SRI: variants seen among roughly 807,000 people sequenced by gnomAD.
The protein encoded by SRI is 22 kDa protein.
Under a neutral mutation model 33.3 loss-of-function variants are expected in SRI, and 30 were observed. That is an observed-to-expected ratio of 0.90 (90% confidence interval 0.67 to 1.22). The LOEUF (loss-of-function observed/expected upper bound fraction) is 1.22, where lower values mean the gene tolerates loss of function less well. Ranked by LOEUF, SRI falls within the 50% of genes most tolerant of loss-of-function variation. The pLI, the probability that SRI is intolerant of heterozygous loss-of-function variation, is 0.00. For synonymous variants in SRI, 75 were observed against 89.9 expected (o/e 0.83, Z 0.94); for missense variants, 243 against 250.8 (o/e 0.97, Z 0.21).
rs1299209609 is a variant in SRI at position 88,208,128 on chromosome 7, A to G, written c.570+379T>C. Reference sequence around the variant, plus strand: ...TTTACAGAAGACAAAAGCAGATAGTATATCTGCATAGTGTTTTTCAAGGGC... The same window carrying G: ...TTTACAGAAGACAAAAGCAGATAGTGTATCTGCATAGTGTTTTTCAAGGGC... On this transcript the variant is annotated intron_variant, in intron 7 of 7. Coordinates refer to ENST00000265729, the MANE Select transcript of SRI (RefSeq NM_003130.4). 4.6e-5 allele frequency: 8 copies of G among 175,298 alleles called. No individual in the cohort carries two copies. In the East Asian group the frequency reaches 7.5e-4, roughly 16 times the overall value. The allele number at this position is 175,298 out of a possible 1,614,324, so 10.9% of individuals were successfully genotyped here. A position where few individuals can be genotyped will look rare whatever the true frequency, so the allele number is the denominator to read the frequency against.
chr7:88,219,862 G>A, intron 1 of SRI, 114 bp downstream of exon 1: 2 of 1,318,130 alleles, frequency 1.5e-6, no homozygotes, highest in Non-Finnish European at 2.1e-6. Flanking sequence ...GAGGGCGGAA[G>A]GAGCCCGGGT....
chr7:88,212,186 G>A (rs570035302), intron 3 of SRI, among the ~76,000 whole-genome samples: 29 of 152,160 alleles, frequency 1.9e-4, no homozygotes, highest in Non-Finnish European at 2.8e-4. Flanking sequence ...TCTCCCAACA[G>A]TGCAAACTAT....
At chr7:88,226,953 T>A (rs1563481157) in exon 1 of SRI, 1 of 1,613,418 alleles carries the variant, frequency 6.2e-7, no homozygotes, top group Non-Finnish European at 8.5e-7. Context: ...TGGTGATCCT[T>A]AGAGGATTGC....
intron 4 of SRI, 59 bp downstream of exon 4, chr7:88,210,823 T>C: frequency 6.8e-7 from 1 of 1,475,348 alleles, no homozygotes; most frequent in Non-Finnish European, 9.4e-7. Context: ...AATTCTAAGA[T>C]GAATTCCTTT....
chr7:88,210,748 A>G (rs915447718), intron 4 of SRI, 134 bp downstream of exon 4: 7 of 818,808 alleles, frequency 8.5e-6, no homozygotes, highest in Non-Finnish European at 1.4e-5. Flanking sequence ...CCACCCTATA[A>G]TAGAAGCTAA....
intron 2 of SRI, among the ~76,000 whole-genome samples, chr7:88,217,545 G>GA (rs1464822754): frequency 1.3e-5 from 2 of 152,230 alleles, no homozygotes; most frequent in East Asian, 3.9e-4. Flanking sequence ...GGTTCAAACA[G>GA]AAAAAGGCCT....
At chr7:88,223,504 T>G (rs1174726714), upstream of SRI, among the ~76,000 whole-genome samples, 2 of 152,164 alleles carry the variant, frequency 1.3e-5, no homozygotes, top group African/African-American at 4.8e-5. Context: ...CATAGTGGTA[T>G]GTAGACTATG....
intron 3 of SRI, among the ~76,000 whole-genome samples, chr7:88,212,387 A>G (rs1851600528): frequency 6.6e-6 from 1 of 152,164 alleles, no homozygotes; most frequent in Admixed American, 6.5e-5. Context: ...CTGACTTTTA[A>G]GTTGTGTGGA....
At chr7:88,220,062 C>CGCCAG, upstream of SRI, 1 of 1,501,956 alleles carries the variant, frequency 6.7e-7, no homozygotes, top group Non-Finnish European at 8.8e-7. Context: ...TCGCCCTGTG[C>CGCCAG]GCCAGGCCTC....
chr7:88,210,272 T>C, intron 4 of SRI, 142 bp from the exon 5 acceptor site: 1 of 1,046,896 alleles, frequency 9.6e-7, no homozygotes, highest in South Asian at 1.3e-5. Flanking sequence ...AAATTAATGA[T>C]TTAAAAATAG....
At chr7:88,213,943 T>C (rs1287900161) in intron 3 of SRI, among the ~76,000 whole-genome samples, 4 of 152,220 alleles carry the variant, frequency 2.6e-5, no homozygotes, top group Admixed American at 1.3e-4. Context: ...TAAGTACTTA[T>C]TATGTTCAGG....
chr7:88,219,863 G>A (rs1286601272), intron 1 of SRI, 113 bp downstream of exon 1: 5 of 1,329,138 alleles, frequency 3.8e-6, no homozygotes, highest in Non-Finnish European at 5.1e-6. Flanking sequence ...AGGGCGGAAG[G>A]AGCCCGGGTA....
chr7:88,214,514 C>T (rs1034669717), intron 3 of SRI, among the ~76,000 whole-genome samples: 1 of 152,122 alleles, frequency 6.6e-6, no homozygotes, highest in Non-Finnish European at 1.5e-5. Context: ...CCATTCTAGA[C>T]AGTTCCAATG....
upstream of SRI, among the ~76,000 whole-genome samples, chr7:88,221,237 C>CCCT (rs1851882131): frequency 6.6e-6 from 1 of 152,186 alleles, no homozygotes; most frequent in Non-Finnish European, 1.5e-5. Context: ...GGCTATTGTC[C>CCCT]TCATTCGGTT....
chr7:88,224,081 C>G (rs922394736), upstream of SRI, among the ~76,000 whole-genome samples: 1 of 152,196 alleles, frequency 6.6e-6, no homozygotes, highest in Admixed American at 6.5e-5. Flanking sequence ...AAGACCAAGG[C>G]TGAGAGATGG....
chr7:88,212,763 C>G (rs1563473548), intron 3 of SRI, among the ~76,000 whole-genome samples: 1 of 152,196 alleles, frequency 6.6e-6, no homozygotes, highest in East Asian at 1.9e-4. Flanking sequence ...CCTGAACCAG[C>G]ATCACATGGA....
rs983803241 is a variant in SRI, at chr7:88,217,204, A to T, written c.136-13T>A. On this transcript the variant is annotated splice_polypyrimidine_tract_variant and intron_variant, in intron 2 of 7. Coordinates refer to ENST00000265729, the MANE Select transcript of SRI (RefSeq NM_003130.4). ...CTATCTGCCCATCCTTTTGAAAAAAAATTAGAGGAATCATAATAGTGATTT... is the reference window on the plus strand; with the variant it reads ...CTATCTGCCCATCCTTTTGAAAAAATATTAGAGGAATCATAATAGTGATTT... 3.7e-6 allele frequency: 6 copies of T among 1,608,556 alleles called. No homozygotes were observed. In the African/African-American group the frequency reaches 5.3e-5, roughly 14 times the overall value.
chr7:88,214,255 C>T (rs1371622889), intron 3 of SRI, among the ~76,000 whole-genome samples: 1 of 152,142 alleles, frequency 6.6e-6, no homozygotes, highest in African/African-American at 2.4e-5. Context: ...AAGTAGAAGG[C>T]CTAGGACAGG....
At chr7:88,213,012 A>AC (rs1023178475) in intron 3 of SRI, among the ~76,000 whole-genome samples, 5 of 151,976 alleles carry the variant, frequency 3.3e-5, no homozygotes, top group African/African-American at 1.2e-4. Flanking sequence ...AATGAATGGC[A>AC]CCCCCATCCA....
Sources: allele counts gnomAD v4.1 joint callset (sites outside exome capture counted in the v4.1 genomes callset), GRCh38; gene constraint gnomAD v4.1.1; transcripts MANE v1.5; gene names NCBI Gene and HGNC (gene_info 2026-07-23, HGNC 2026-07-21).